Variants in CREBRF observed in about 807,000 individuals in gnomAD.
CREBRF encodes the protein CREB3 regulatory factor, also known as UPF0474 protein C5orf41.
In CREBRF, 5 loss-of-function variants were observed where a neutral mutation model predicts 66.1. The observed-to-expected ratio is 0.08, with a 90% CI of 0.04 to 0.16. The LOEUF is 0.16. Among genes scored for constraint, CREBRF ranks in the 10% least tolerant of loss-of-function variants. The pLI is 1.00. For synonymous variants in CREBRF, 229 were observed against 264.4 expected, an observed-to-expected ratio of 0.87 and a Z score of 1.30; for missense variants, 531 against 744.9, an observed-to-expected ratio of 0.71 and a Z score of 3.34.
intron 4 of CREBRF, among the ~76,000 whole-genome samples, chr5:173,107,857 C>T (rs948548280): frequency 1.3e-4 from 17 of 135,146 alleles, no homozygotes; most frequent in Non-Finnish European, 2.3e-4. Flanking sequence ...ACAGAGTGAG[C>T]GTCTCATTCT....
intron 7 of CREBRF, among the ~76,000 whole-genome samples, chr5:173,115,124 G>C (rs75407224): frequency 1.3e-5 from 1 of 76,524 alleles, no homozygotes; most frequent in Middle Eastern, 8.8e-3. Flanking sequence ...TTTTTTTTTT[G>C]AGACAGAGTT....
chr5:173,087,326 G>T lies in CREBRF; in HGVS notation c.135+700G>T, dbSNP rs552751727. Reference sequence around the variant, plus strand: ...TTGAGCTCCCGACCTCAGGTGATCTGCCCGCCTCGGCTTCCCAAAATGCTG... The same window carrying T: ...TTGAGCTCCCGACCTCAGGTGATCTTCCCGCCTCGGCTTCCCAAAATGCTG... On this transcript the variant is annotated intron_variant, in intron 3 of 8. Transcript: ENST00000296953. 2.6e-5 allele frequency among the ~76,000 whole-genome samples: 4 copies of T among 152,088 alleles called. No homozygotes were observed. The East Asian group carries it at 7.8e-4, about 30-fold the overall frequency.
intron 3 of CREBRF, among the ~76,000 whole-genome samples, chr5:173,088,249 T>TA (rs1309850318): frequency 7.7e-6 from 1 of 130,394 alleles, no homozygotes; most frequent in Non-Finnish European, 1.6e-5. Flanking sequence ...CTTCATCAAA[T>TA]ACATTCTTTT....
At chr5:173,100,600 T>C (rs1758605894) in intron 4 of CREBRF, among the ~76,000 whole-genome samples, 1 of 151,964 alleles carries the variant, frequency 6.6e-6, no homozygotes, top group South Asian at 2.1e-4. Flanking sequence ...ATTTTTGTAT[T>C]TTTAGTAAAG....
intron 2 of CREBRF, chr5:173,085,432 TGGAG>T: frequency 1.2e-6 from 1 of 843,750 alleles, no homozygotes; most frequent in Non-Finnish European, 1.9e-6. Flanking sequence ...TTTTTCTTTT[TGGAG>T]ACGGAGTTTC....
At chr5:173,095,289 C>T (rs955057809) in intron 4 of CREBRF, among the ~76,000 whole-genome samples, 5 of 149,768 alleles carry the variant, frequency 3.3e-5, no homozygotes, top group South Asian at 2.1e-4. Flanking sequence ...CCCAGGTTCA[C>T]GCCATTCTCC....
At chr5:173,073,918 G>A (rs909223222) in intron 1 of CREBRF, among the ~76,000 whole-genome samples, 9 of 152,186 alleles carry the variant, frequency 5.9e-5, no homozygotes, top group African/African-American at 2.2e-4. Flanking sequence ...AGTGAGCCGA[G>A]ATTGCGCCAC....
intron 3 of CREBRF, among the ~76,000 whole-genome samples, chr5:173,088,188 C>G (rs1412902004): frequency 6.6e-6 from 1 of 150,988 alleles, no homozygotes; most frequent in African/African-American, 2.4e-5. Context: ...CATAGCCACA[C>G]ACACCTGCAG....
rs548103665 is a variant in CREBRF at position 173,085,701 on chromosome 5, G to T, written c.10-800G>T. ...CAAAGTGCTGGGATTACAGGCGTGA[G>T]CCACCGCACCCGGCCATCAGATACA... On this transcript the variant is annotated intron_variant, in intron 2 of 8. Transcript: ENST00000296953. 1.0e-3 allele frequency: 737 copies of T among 733,276 alleles called. 18 individuals carry two copies. The South Asian group carries it at 0.01, about 10-fold the overall frequency. 45.4% of individuals were successfully genotyped at this position (733,276 alleles called of 1,614,324 possible).
chr5:173,126,546 G>T (rs752666224), intron 8 of CREBRF, among the ~76,000 whole-genome samples: 17 of 152,148 alleles, frequency 1.1e-4, no homozygotes, highest in Non-Finnish European at 2.2e-4. Flanking sequence ...ACTTCTGACT[G>T]TGGGCTCCTT....
In CREBRF at chr5:173,091,328, G is replaced by A. The variant is rs953834921; in HGVS notation, c.1149G>A (p.Glu383=). 1 of 1,612,586 alleles carries A rather than the reference G, an allele frequency of 6.2e-7. No homozygotes were observed. Among genetic ancestry groups the A allele is most frequent in the African/African-American group, 1.3e-5 (1 of 74,902 alleles). ...GTGAGCATGAACTGTCTGAAAATGAGGAGGAGGAAGAAGAGGAAGAGGATT... is the reference window on the plus strand; with the variant it reads ...GTGAGCATGAACTGTCTGAAAATGAAGAGGAGGAAGAAGAGGAAGAGGATT... ...FGSEHELSEN[E]EEEEEEEDYE... The change falls in exon 4 of 9, where the codon GAG becomes GAA. Residue 383 remains glutamate, a synonymous_variant. Coordinates refer to ENST00000296953, the MANE Select transcript of CREBRF (RefSeq NM_153607.3).
intron 4 of CREBRF, among the ~76,000 whole-genome samples, chr5:173,107,684 A>T (rs1028905330): frequency 1.3e-5 from 2 of 152,262 alleles, no homozygotes; most frequent in East Asian, 3.9e-4. Flanking sequence ...ATAGAAGTGT[A>T]TACAGCTGGG....
chr5:173,077,685 C>A (rs1757806539), intron 1 of CREBRF, among the ~76,000 whole-genome samples: 1 of 152,082 alleles, frequency 6.6e-6, no homozygotes, highest in African/African-American at 2.4e-5. Context: ...TGAGCTACCA[C>A]CCCCAGCCTC....
intron 1 of CREBRF, among the ~76,000 whole-genome samples, chr5:173,080,037 T>C (rs1757891399): frequency 6.6e-6 from 1 of 152,220 alleles, no homozygotes; most frequent in Admixed American, 6.5e-5. Context: ...CAATGAGAGC[T>C]TATACTTATA....
chr5:173,109,926 G>A (rs900445914), intron 5 of CREBRF: 8 of 155,710 alleles, frequency 5.1e-5, no homozygotes, highest in African/African-American at 1.9e-4. Flanking sequence ...AGTTGTAGGA[G>A]TTCAGAGGAC....
chr5:173,135,164 T>C lies in CREBRF; in HGVS notation c.*1419T>C, dbSNP rs1269272871. ...GATTGATGTATTATTGTGCATGTAA[T>C]ATTTTCAAAGATCAACACAGGCTAA... On this transcript the variant is annotated 3_prime_UTR_variant, in exon 9 of 9. Transcript: ENST00000296953. The C allele has an allele frequency of 6.6e-6, 1 of 152,446 alleles. No homozygotes were observed. Among genetic ancestry groups the C allele is most frequent in the African/African-American group, 2.4e-5 (1 of 41,446 alleles). 9.4% of individuals were successfully genotyped at this position (152,446 alleles called of 1,614,324 possible).
intron 3 of CREBRF, among the ~76,000 whole-genome samples, chr5:173,087,814 T>TTTTA (rs1248726047): frequency 2.6e-5 from 4 of 152,250 alleles, no homozygotes; most frequent in African/African-American, 7.2e-5. Flanking sequence ...TAAACATTGC[T>TTTTA]TTTATTTATT....
intron 1 of CREBRF, among the ~76,000 whole-genome samples, chr5:173,075,735 CTCCCTTCCTCACT>C (rs1757742862): frequency 6.6e-6 from 1 of 151,860 alleles, no homozygotes; most frequent in African/African-American, 2.4e-5. Context: ...GCCTCCTTGC[CTCCCTTCCTCACT>C]TCCCTTCCTT....
chr5:173,070,369 A>G (rs1757563106), intron 1 of CREBRF, among the ~76,000 whole-genome samples: 2 of 152,108 alleles, frequency 1.3e-5, no homozygotes, highest in Admixed American at 1.3e-4. Flanking sequence ...TTCTCTTTTT[A>G]ACATTTTATA....
Sources: allele counts gnomAD v4.1 joint callset (sites outside exome capture counted in the v4.1 genomes callset), GRCh38; gene constraint gnomAD v4.1.1; transcripts MANE v1.5; gene names NCBI Gene and HGNC (gene_info 2026-07-23, HGNC 2026-07-21).